The following ZNF431 variants were observed in gnomAD, a reference collection of about 807,000 sequenced individuals.
ZNF431 encodes zinc finger protein 431.
Under a neutral mutation model 57.0 loss-of-function variants are expected in ZNF431, and 34 were observed. The observed-to-expected ratio is 0.60, with a 90% CI of 0.45 to 0.79. The LOEUF (loss-of-function observed/expected upper bound fraction) is 0.79. Among genes scored for constraint, ZNF431 ranks in the 30% least tolerant of loss-of-function variants. The pLI is 0.00. For missense variants in ZNF431, 607 were observed against 667.1 expected, an observed-to-expected ratio of 0.91 and a Z score of 0.99; for synonymous variants, 207 against 220.3, an observed-to-expected ratio of 0.94 and a Z score of 0.54.
chr19:21,169,800 T>C, intron 4 of ZNF431: 1 of 398,570 alleles, frequency 2.5e-6, no homozygotes, highest in Non-Finnish European at 4.4e-6. Context: ...GGTTTCTGTT[T>C]AGGAAAAACT....
At chr19:21,154,649 G>A (rs1420365701) in intron 2 of ZNF431, among the ~76,000 whole-genome samples, 1 of 152,032 alleles carries the variant, frequency 6.6e-6, no homozygotes, top group African/African-American at 2.4e-5. Context: ...GTGTAAAAGT[G>A]TTCCTATTTC....
At chr19:21,146,848 A>G (rs910624576) in intron 2 of ZNF431, among the ~76,000 whole-genome samples, 6 of 152,218 alleles carry the variant, frequency 3.9e-5, no homozygotes, top group African/African-American at 1.4e-4. Context: ...TATTCAAAAT[A>G]GATGTGCTCT....
intron 2 of ZNF431, among the ~76,000 whole-genome samples, chr19:21,149,470 A>G (rs1390886137): frequency 6.6e-6 from 1 of 152,226 alleles, no homozygotes; most frequent in Non-Finnish European, 1.5e-5. Flanking sequence ...TTACGCTCTT[A>G]CTATTTTTAA....
Position 21,193,608 on chromosome 19 carries a change from C to T in ZNF431, c.*9574C>T, listed in dbSNP as rs1971550111. 6.6e-6 allele frequency: 1 copy of T among 152,086 alleles called. No individual in the cohort carries two copies. Among genetic ancestry groups the T allele is most frequent in the African/African-American group, 2.4e-5 (1 of 41,408 alleles). 9.4% of individuals were successfully genotyped at this position (152,086 alleles called of 1,614,324 possible). ...AAGACAACAACAACAAAACTATAGG[C>T]CAATATTTTGGGTGAACATTGAAAC... On this transcript the variant is annotated 3_prime_UTR_variant, in exon 5 of 5. Coordinates refer to ENST00000311048, the MANE Select transcript of ZNF431 (RefSeq NM_133473.4).
At chr19:21,164,367 G>A (rs1043090035) in intron 2 of ZNF431, among the ~76,000 whole-genome samples, 1 of 152,124 alleles carries the variant, frequency 6.6e-6, no homozygotes, top group African/African-American at 2.4e-5. Context: ...TCTGTGGCAG[G>A]GGAGGGCACC....
chr19:21,152,094 CTTCTT>C (rs1323371378), intron 2 of ZNF431, among the ~76,000 whole-genome samples: 2 of 152,228 alleles, frequency 1.3e-5, no homozygotes, highest in Admixed American at 1.3e-4. Context: ...CTTAGCCACT[CTTCTT>C]AACAACCAAT....
In ZNF431 at chr19:21,185,692, C is replaced by T. The variant is rs576152759; in HGVS notation, c.*1658C>T. 2.0e-5 allele frequency: 3 copies of T among 152,294 alleles called. No individual in the cohort carries two copies. The highest frequency in any genetic ancestry group is 7.2e-5 in the African/African-American group (3 of 41,522). 9.4% of individuals were successfully genotyped at this position (152,294 alleles called of 1,614,324 possible). A position where few individuals can be genotyped will look rare whatever the true frequency, so the allele number is the denominator to read the frequency against. On this transcript the variant is annotated 3_prime_UTR_variant, in exon 5 of 5. Transcript: ENST00000311048. ...GCCAAGCTGGTCTTGAACTCCTGAC[C>T]TCATGTGATCCGCCCGCCTCAGCCT...
chr19:21,144,861 C>A (rs1970038393), intron 2 of ZNF431, among the ~76,000 whole-genome samples: 1 of 152,148 alleles, frequency 6.6e-6, no homozygotes, highest in Non-Finnish European at 1.5e-5. Flanking sequence ...CTAAATATCT[C>A]TGTTCAAATC....
chr19:21,167,242 C>T (rs1270392988), intron 3 of ZNF431, among the ~76,000 whole-genome samples: 1 of 151,880 alleles, frequency 6.6e-6, no homozygotes, highest in African/African-American at 2.4e-5. Flanking sequence ...CTCACTGCCA[C>T]CTCCGCCTCC....
rs1420671944 is a variant in ZNF431 at position 21,187,703 on chromosome 19, A to C, written c.*3669A>C. The C allele has an allele frequency of 6.6e-6, 1 of 151,982 alleles. No individual in the cohort carries two copies. Among genetic ancestry groups the C allele is most frequent in the Non-Finnish European group, 1.5e-5 (1 of 68,032 alleles). The allele number at this position is 151,982 out of a possible 1,614,324, so 9.4% of individuals were successfully genotyped here. A position where few individuals can be genotyped will look rare whatever the true frequency, so the allele number is the denominator to read the frequency against. ...CAGTGTGGCGAGATTGCACCATTGC[A>C]CTCCAGTCTGGGCGACAAGAGGGAA... On this transcript the variant is annotated 3_prime_UTR_variant, in exon 5 of 5. Transcript: ENST00000311048.
At chr19:21,155,473 C>A (rs1970393711) in intron 2 of ZNF431, among the ~76,000 whole-genome samples, 1 of 152,118 alleles carries the variant, frequency 6.6e-6, no homozygotes, top group Non-Finnish European at 1.5e-5. Context: ...CAGCTTTGTT[C>A]TTTTGGCTTA....
At chr19:21,166,528 A>T in intron 3 of ZNF431, 67 bp downstream of exon 3, 3 of 1,516,366 alleles carry the variant, frequency 2.0e-6, no homozygotes, top group Non-Finnish European at 2.7e-6. Flanking sequence ...TTTTTGTAGA[A>T]TTTTTTTGAT....
Position 21,159,587 on chromosome 19 carries a change from C to T in ZNF431, c.97-6748C>T, listed in dbSNP as rs1038166247. ...GGGTTTTCACCATGTTGGCCAGGAT[C>T]GTCTTGATCTCTTGACCTCATGATC... On this transcript the variant is annotated intron_variant, in intron 2 of 4. Coordinates refer to ENST00000311048, the MANE Select transcript of ZNF431 (RefSeq NM_133473.4). Among the ~76,000 whole-genome samples, 9 of 152,042 alleles carry T rather than the reference C, an allele frequency of 5.9e-5. No individual in the cohort carries two copies. In the East Asian group the frequency reaches 7.7e-4, roughly 13 times the overall value.
At chr19:21,177,524 C>T (rs569155457) in intron 4 of ZNF431, among the ~76,000 whole-genome samples, 2 of 152,264 alleles carry the variant, frequency 1.3e-5, no homozygotes, top group East Asian at 1.9e-4. Context: ...CAGTGGCTCA[C>T]GCCTGTAATC....
At chr19:21,167,535 A>G (rs1259445000) in intron 3 of ZNF431, 36 bp from the exon 4 acceptor site, 1 of 1,446,782 alleles carries the variant, frequency 6.9e-7, no homozygotes, top group Admixed American at 2.2e-5. Context: ...TAGAGAATAT[A>G]GGCAAGATTC....
chr19:21,145,535 T>C (rs1275900980), intron 2 of ZNF431, among the ~76,000 whole-genome samples: 3 of 152,130 alleles, frequency 2.0e-5, no homozygotes, highest in Non-Finnish European at 2.9e-5. Context: ...GATCCTCCCC[T>C]GCAGATGTCC....
chr19:21,170,081 A>AT (rs1197882714), intron 4 of ZNF431, among the ~76,000 whole-genome samples: 1 of 152,188 alleles, frequency 6.6e-6, no homozygotes, highest in African/African-American at 2.4e-5. Flanking sequence ...TCCCACACGA[A>AT]TAAGTGCCTG....
At chr19:21,150,032 G>T (rs1469260724) in intron 2 of ZNF431, 4 of 593,706 alleles carry the variant, frequency 6.7e-6, no homozygotes, top group Non-Finnish European at 1.3e-5. Flanking sequence ...GTTAATTCCT[G>T]CTCGAAGGAC....
chr19:21,176,327 G>A (rs1005545460), intron 4 of ZNF431, among the ~76,000 whole-genome samples: 7 of 146,472 alleles, frequency 4.8e-5, no homozygotes, highest in South Asian at 2.2e-4. Flanking sequence ...TGCCACCTCC[G>A]CCTCCCAAGA....
Sources: allele counts gnomAD v4.1 joint callset (sites outside exome capture counted in the v4.1 genomes callset), GRCh38; gene constraint gnomAD v4.1.1; transcripts MANE v1.5; gene names NCBI Gene and HGNC (gene_info 2026-07-23, HGNC 2026-07-21).